The following GPALPP1 variants were observed in gnomAD, a reference collection of about 807,000 sequenced individuals.
The protein encoded by GPALPP1 is GPALPP motifs-containing protein 1.
A neutral mutation model predicts 38.9 loss-of-function variants in GPALPP1; 30 were observed. That is an observed-to-expected ratio of 0.77 (90% CI 0.58 to 1.05). The LOEUF is 1.05. Ranked by LOEUF, GPALPP1 falls within the 50% of genes least tolerant of loss-of-function variation. The probability of loss-of-function intolerance (pLI) is 0.00; values close to 1 mark genes in which losing one functional copy is unlikely to be tolerated. For missense variants in GPALPP1, 384 were observed against 408.8 expected, an observed-to-expected ratio of 0.94 and a Z score of 0.52; for synonymous variants, 120 against 139.2, an observed-to-expected ratio of 0.86 and a Z score of 0.97.
At chr13:45,007,890 T>C (rs1180199036) in intron 3 of GPALPP1, among the ~76,000 whole-genome samples, 2 of 152,244 alleles carry the variant, frequency 1.3e-5, no homozygotes, top group Non-Finnish European at 2.9e-5. Context: ...TTTTTATTTT[T>C]ATCTTTTTAA....
At position 45,030,298 on chromosome 13, in the gene GPALPP1, A is replaced by G. The variant is rs1021064195; in HGVS notation, c.*2295A>G. On this transcript the variant is annotated 3_prime_UTR_variant, in exon 8 of 8. Coordinates refer to ENST00000379151, the MANE Select transcript of GPALPP1 (RefSeq NM_018559.5). ...CTATTGTTAAATAAATGCCAATTCTATAAGTTATATTTTCTTGCAGATTAA... is the reference window on the plus strand; with the variant it reads ...CTATTGTTAAATAAATGCCAATTCTGTAAGTTATATTTTCTTGCAGATTAA... 1.3e-5 allele frequency: 2 copies of G among 152,204 alleles called. No individual in the cohort carries two copies. Among genetic ancestry groups the G allele is most frequent in the African/African-American group, 2.4e-5 (1 of 41,462 alleles). The allele number at this position is 152,204 out of a possible 1,614,324, so 9.4% of individuals were successfully genotyped here.
intron 1 of GPALPP1, among the ~76,000 whole-genome samples, chr13:44,990,664 T>C (rs142024042): frequency 1.2e-3 from 181 of 152,276 alleles, no homozygotes; most frequent in South Asian, 5.4e-3. Context: ...CGACACCCAG[T>C]TGGAGAAGAG....
At chr13:45,030,414 C>G (rs1876137608), downstream of GPALPP1, 1 of 152,114 alleles carries the variant, frequency 6.6e-6, no homozygotes, top group Non-Finnish European at 1.5e-5. Context: ...GAGTCTTGCT[C>G]TGTCACCCAG....
intron 1 of GPALPP1, among the ~76,000 whole-genome samples, chr13:44,994,714 C>T (rs1873118623): frequency 6.6e-6 from 1 of 152,152 alleles, no homozygotes; most frequent in South Asian, 2.1e-4. Flanking sequence ...TTCCAAAATA[C>T]ATGGTTTTCA....
At position 45,008,777 on chromosome 13, in the gene GPALPP1, G is replaced by A; in HGVS notation, c.324-18G>A. ...TTTAAAGTCAGGGAGAATGATAAAAGTACATTTTATTTTTCAGGCCCATAA... is the reference window on the plus strand; with the variant it reads ...TTTAAAGTCAGGGAGAATGATAAAAATACATTTTATTTTTCAGGCCCATAA... On this transcript the variant is annotated intron_variant, in intron 3 of 7. Transcript: ENST00000379151. 3 of 1,347,168 alleles carry A rather than the reference G, an allele frequency of 2.2e-6. No homozygotes were observed. Among genetic ancestry groups the A allele is most frequent in the Non-Finnish European group, 3.2e-6 (3 of 941,778 alleles). 83.5% of individuals were successfully genotyped at this position (1,347,168 alleles called of 1,614,324 possible). A position where few individuals can be genotyped will look rare whatever the true frequency, so the allele number is the denominator to read the frequency against.
chr13:45,008,940 A>G (rs1874290627), intron 4 of GPALPP1, 61 bp downstream of exon 4: 1 of 985,450 alleles, frequency 1.0e-6, no homozygotes, highest in Non-Finnish European at 1.6e-6. Context: ...AATAAGATGT[A>G]TTGTAACAAA....
At chr13:45,033,115 A>G (rs1876283470), downstream of GPALPP1, 1 of 151,940 alleles carries the variant, frequency 6.6e-6, no homozygotes, top group Non-Finnish European at 1.5e-5. Flanking sequence ...TGGTTATTGT[A>G]TAAGTAATTT....
intron 6 of GPALPP1, among the ~76,000 whole-genome samples, 157 bp from the exon 7 acceptor site, chr13:45,020,173 G>A (rs1381787810): frequency 6.6e-6 from 1 of 152,092 alleles, no homozygotes; most frequent in Non-Finnish European, 1.5e-5. Flanking sequence ...GAGTCACTAT[G>A]CCCGGCAAAG....
At chr13:45,013,705 A>C (rs2074703228) in intron 4 of GPALPP1, among the ~76,000 whole-genome samples, 1 of 152,152 alleles carries the variant, frequency 6.6e-6, no homozygotes, top group African/African-American at 2.4e-5. Context: ...AGCTGTTATA[A>C]TTTCCATGCC....
At chr13:45,022,792 G>C (rs1035102921) in intron 7 of GPALPP1, among the ~76,000 whole-genome samples, 2 of 152,120 alleles carry the variant, frequency 1.3e-5, no homozygotes, top group African/African-American at 2.4e-5. Context: ...CAGCACTTTG[G>C]GGGAGACTGA....
chr13:45,016,282 T>A (rs1874861108), intron 6 of GPALPP1, among the ~76,000 whole-genome samples: 1 of 152,026 alleles, frequency 6.6e-6, no homozygotes, highest in South Asian at 2.1e-4. Flanking sequence ...GGTGAAACCC[T>A]GTCTCTACTA....
intron 7 of GPALPP1, among the ~76,000 whole-genome samples, chr13:45,024,532 C>T (rs1875703025): frequency 6.6e-6 from 1 of 151,128 alleles, no homozygotes; most frequent in Non-Finnish European, 1.5e-5. Flanking sequence ...CTCCTGACCT[C>T]AGGTCATCTG....
intron 4 of GPALPP1, among the ~76,000 whole-genome samples, chr13:45,011,125 A>G (rs927510260): frequency 6.6e-6 from 1 of 152,228 alleles, no homozygotes; most frequent in South Asian, 2.1e-4. Flanking sequence ...TTTGAAGGCA[A>G]AAGAGAGTGT....
intron 3 of GPALPP1, among the ~76,000 whole-genome samples, chr13:45,008,021 A>C (rs1398185161): frequency 1.3e-5 from 2 of 152,190 alleles, no homozygotes; most frequent in Admixed American, 1.3e-4. Flanking sequence ...AAGAAAATGC[A>C]CTTTGACATC....
intron 2 of GPALPP1, among the ~76,000 whole-genome samples, chr13:45,005,960 A>C (rs561750392): frequency 6.6e-6 from 1 of 152,026 alleles, no homozygotes; most frequent in Non-Finnish European, 1.5e-5. Flanking sequence ...TAGGAGTGGG[A>C]GGTTCCAGTG....
chr13:44,993,813 C>CTT (rs71070951), intron 1 of GPALPP1, among the ~76,000 whole-genome samples: 21 of 146,488 alleles, frequency 1.4e-4, no homozygotes, highest in African/African-American at 3.3e-4. Flanking sequence ...TTCTGTTTGT[C>CTT]TTTTTTTTTT....
At chr13:45,037,057 GAGA>G (rs1436682114) in exon 8 of GPALPP1, 1 of 152,158 alleles carries the variant, frequency 6.6e-6, no homozygotes, top group Non-Finnish European at 1.5e-5. Flanking sequence ...GACAAATTTC[GAGA>G]ACCTATTCAA....
At chr13:45,026,062 G>A (rs1371227913) in intron 7 of GPALPP1, among the ~76,000 whole-genome samples, 1 of 152,018 alleles carries the variant, frequency 6.6e-6, no homozygotes, top group African/African-American at 2.4e-5. Flanking sequence ...GAGCCACTGC[G>A]CCCAGCCTTG....
At chr13:45,006,864 G>A (rs1412744319) in intron 3 of GPALPP1, among the ~76,000 whole-genome samples, 1 of 152,038 alleles carries the variant, frequency 6.6e-6, no homozygotes, top group African/African-American at 2.4e-5. Context: ...CTGGCACAGA[G>A]TAAGTATATA....
Sources: allele counts gnomAD v4.1 joint callset (sites outside exome capture counted in the v4.1 genomes callset), GRCh38; gene constraint gnomAD v4.1.1; transcripts MANE v1.5; gene names NCBI Gene and HGNC (gene_info 2026-07-23, HGNC 2026-07-21).